The following CFAP69 variants were observed in gnomAD, a reference collection of about 807,000 sequenced individuals.
The protein encoded by CFAP69 is cilia- and flagella-associated protein 69.
CFAP69 carries 92 observed loss-of-function variants against 123.0 expected under a neutral mutation model. The observed-to-expected ratio is 0.75, with a 90% CI of 0.63 to 0.89. CFAP69 has a LOEUF of 0.89. Ranked by LOEUF, CFAP69 falls within the 40% of genes least tolerant of loss-of-function variation. CFAP69 has a pLI of 0.00. For missense variants in CFAP69, 1,067 were observed against 1,096.9 expected (o/e 0.97, Z 0.39); for synonymous variants, 380 against 364.3 (o/e 1.04, Z -0.49).
chr7:90,309,955 A>G, intron 22 of CFAP69, 113 bp from the exon 23 acceptor site: 1 of 800,818 alleles, frequency 1.2e-6, no homozygotes, highest in Middle Eastern at 2.5e-4. Flanking sequence ...ACTGCCTCCT[A>G]GTTATTCATT....
At chr7:90,315,179 T>G (rs1424351616), downstream of CFAP69, among the ~76,000 whole-genome samples, 1 of 151,438 alleles carries the variant, frequency 6.6e-6, no homozygotes, top group Non-Finnish European at 1.5e-5. Context: ...GTTCAACCAT[T>G]GTGGAAAGCA....
intron 15 of CFAP69, 59 bp from the exon 16 acceptor site, chr7:90,297,690 G>A: frequency 2.8e-6 from 3 of 1,071,548 alleles, no homozygotes; most frequent in South Asian, 1.4e-5. Flanking sequence ...AGATAAAGCT[G>A]TACAAATTCA....
chr7:90,260,057 C>T (rs1450169085), intron 3 of CFAP69, among the ~76,000 whole-genome samples: 1 of 152,130 alleles, frequency 6.6e-6, no homozygotes, highest in Non-Finnish European at 1.5e-5. Flanking sequence ...AATTTGTAAA[C>T]TCCTTACAAC....
chr7:90,317,632 T>G, the CFAP69 span: 6 of 152,122 alleles, frequency 3.9e-5, no homozygotes, highest in Non-Finnish European at 7.4e-5. Flanking sequence ...TGAAATTACA[T>G]GCAAAATGTA....
chr7:90,317,468 G>T, the CFAP69 span: 7 of 142,762 alleles, frequency 4.9e-5, no homozygotes, highest in African/African-American at 7.5e-5. Context: ...CCCTTAATTG[G>T]CAAGATAAGA....
At chr7:90,264,631 A>G (rs6951894) in intron 4 of CFAP69, among the ~76,000 whole-genome samples, 94,655 of 151,894 alleles carry the variant, frequency 0.62, 30,046 homozygotes, top group East Asian at 0.93. Flanking sequence ...TATAGCTATA[A>G]TTTATTACTA....
At chr7:90,309,081 C>A (rs17866024) in intron 21 of CFAP69, among the ~76,000 whole-genome samples, 182 bp from the exon 22 acceptor site, 70 of 152,156 alleles carry the variant, frequency 4.6e-4, no homozygotes, top group African/African-American at 1.6e-3. Flanking sequence ...CTTCAATGTG[C>A]AAAGTATCTA....
At position 90,245,447 on chromosome 7, in the gene CFAP69, C is replaced by A; in HGVS notation, c.23C>A (p.Ala8Glu). The change falls in exon 1 of 23, where the codon GCG becomes GAG. Residue 8 changes from alanine to glutamate, a missense_variant. By Grantham distance (107) the Ala-to-Glu change is moderately radical. Transcript: ENST00000389297. ...GCCATGTGGACAGAGGAAGCCGGGG[C>A]GACCGCCGAGGCCCAGGAATCCGGC... MWTEEAG[A>E]TAEAQESGIR... 1 of 1,556,832 alleles carries A rather than the reference C, an allele frequency of 6.4e-7. No homozygotes were observed. Among genetic ancestry groups the A allele is most frequent in the Non-Finnish European group, 8.7e-7 (1 of 1,153,708 alleles).
intron 13 of CFAP69, among the ~76,000 whole-genome samples, chr7:90,286,033 C>T (rs961858059): frequency 2.3e-4 from 35 of 152,120 alleles, no homozygotes; most frequent in African/African-American, 8.2e-4. Flanking sequence ...TGGGCATGGT[C>T]GTGCACGCCT....
At chr7:90,306,122 G>T (rs965946542) in intron 19 of CFAP69, among the ~76,000 whole-genome samples, 18 of 149,612 alleles carry the variant, frequency 1.2e-4, no homozygotes, top group Admixed American at 6.7e-4. Context: ...ATTGGGGGGG[G>T]GCGGGGCGGG....
At chr7:90,292,177 T>C (rs1236475728) in intron 15 of CFAP69, among the ~76,000 whole-genome samples, 1 of 152,214 alleles carries the variant, frequency 6.6e-6, no homozygotes, top group African/African-American at 2.4e-5. Context: ...TGAATTGGCT[T>C]TGATGGAACT....
intron 1 of CFAP69, among the ~76,000 whole-genome samples, 172 bp downstream of exon 1, chr7:90,245,716 G>T (rs1796246368): frequency 6.6e-6 from 1 of 152,112 alleles, no homozygotes; most frequent in Non-Finnish European, 1.5e-5. Context: ...CACCCCCTGC[G>T]AACTGCACCG....
chr7:90,283,847 G>C (rs1476009886), intron 13 of CFAP69, among the ~76,000 whole-genome samples: 1 of 152,030 alleles, frequency 6.6e-6, no homozygotes, highest in Non-Finnish European at 1.5e-5. Flanking sequence ...AATTAAGGTG[G>C]TTACTCTTCC....
chr7:90,304,263 A>G lies in CFAP69; in HGVS notation c.2188+157A>G, dbSNP rs1047060076. ...CCCCAATTCCCAAACTGCACCCCTC[A>G]CCAATTAAATCAGAATCTCTGTGTG... On this transcript the variant is annotated intron_variant, in intron 18 of 22. Transcript: ENST00000389297. 1.5e-5 allele frequency: 21 copies of G among 1,360,094 alleles called. No homozygotes were observed. In the Admixed American group the frequency reaches 6.7e-4, roughly 43 times the overall value. The allele number at this position is 1,360,094 out of a possible 1,614,324, so 84.3% of individuals were successfully genotyped here. A position where few individuals can be genotyped will look rare whatever the true frequency, so the allele number is the denominator to read the frequency against.
rs558288448 is a variant in CFAP69 at position 90,307,839 on chromosome 7, C to T, written c.2535C>T (p.Asn845=). The T allele has an allele frequency of 4.1e-5, 66 of 1,608,998 alleles. 1 individual carries two copies. The highest frequency in any genetic ancestry group is 1.7e-4 in the Middle Eastern group (1 of 6,038). The change falls in exon 21 of 23, where the codon AAC becomes AAT. Residue 845 remains asparagine (N), a synonymous_variant. Transcript: ENST00000389297. ...AAGATTTCTTGGCTAGAACATCAAA[C>T]GCTAAAACGTTAAAGGTAGGATTTT... ...SWEDFLARTS[N]AKTLKKAKSL...
intron 5 of CFAP69, among the ~76,000 whole-genome samples, chr7:90,266,336 G>T (rs116258596): frequency 1.3e-5 from 2 of 151,860 alleles, no homozygotes; most frequent in Non-Finnish European, 2.9e-5. Context: ...CATGAAGGGG[G>T]CAATTTAAAG....
At chr7:90,307,610 G>A (rs1416451460) in intron 20 of CFAP69, among the ~76,000 whole-genome samples, 158 bp from the exon 21 acceptor site, 2 of 150,956 alleles carry the variant, frequency 1.3e-5, no homozygotes, top group Non-Finnish European at 2.9e-5. Flanking sequence ...CTGTTTTTTT[G>A]CATTATAATT....
At chr7:90,306,179 T>C (rs778644916) in intron 19 of CFAP69, among the ~76,000 whole-genome samples, 1 of 152,018 alleles carries the variant, frequency 6.6e-6, no homozygotes, top group Non-Finnish European at 1.5e-5. Context: ...TTCAAACTCC[T>C]AGGCTCAAGT....
chr7:90,293,995 T>C (rs981221246), intron 15 of CFAP69, among the ~76,000 whole-genome samples: 2 of 152,212 alleles, frequency 1.3e-5, no homozygotes, highest in African/African-American at 4.8e-5. Context: ...TATGACATGC[T>C]TAGACTTTCT....
Sources: allele counts gnomAD v4.1 joint callset (sites outside exome capture counted in the v4.1 genomes callset), GRCh38; gene constraint gnomAD v4.1.1; transcripts MANE v1.5; gene names NCBI Gene and HGNC (gene_info 2026-07-23, HGNC 2026-07-21).